The following PTPRD variants were observed in gnomAD, a reference collection of about 807,000 sequenced individuals.
PTPRD encodes receptor-type tyrosine-protein phosphatase delta.
Under a neutral mutation model 214.5 loss-of-function variants are expected in PTPRD, and 34 were observed. The observed-to-expected ratio is 0.16, with a 90% confidence interval of 0.12 to 0.21. PTPRD has a LOEUF of 0.21. Among genes scored for constraint, PTPRD ranks in the 10% least tolerant of loss-of-function variants. The pLI, the probability that PTPRD is intolerant of heterozygous loss-of-function variation, is 1.00. For synonymous variants in PTPRD, 1,128 were observed against 845.7 expected (o/e 1.33, Z -5.79); for missense variants, 2,545 against 2,398.7 (o/e 1.06, Z -1.27).
At chr9:9,678,158 G>A (rs1265858159) in intron 7 of PTPRD, among the ~76,000 whole-genome samples, 2 of 152,046 alleles carry the variant, frequency 1.3e-5, no homozygotes, top group East Asian at 3.9e-4. Context: ...GTAATTTATA[G>A]ATTCAATGCC....
At chr9:10,278,807 C>G (rs2094894701) in intron 3 of PTPRD, among the ~76,000 whole-genome samples, 1 of 149,930 alleles carries the variant, frequency 6.7e-6, no homozygotes, top group Middle Eastern at 3.2e-3. Flanking sequence ...TGGAGTCTCG[C>G]TCTGTTGCCC....
intron 4 of PTPRD, among the ~76,000 whole-genome samples, chr9:9,961,308 T>G (rs975451064): frequency 6.6e-6 from 1 of 152,156 alleles, no homozygotes; most frequent in Non-Finnish European, 1.5e-5. Flanking sequence ...ACAAACAACA[T>G]GCCTTTGTCA....
At chr9:10,126,548 C>T (rs1010462779) in intron 3 of PTPRD, among the ~76,000 whole-genome samples, 1 of 151,952 alleles carries the variant, frequency 6.6e-6, no homozygotes, top group Non-Finnish European at 1.5e-5. Context: ...TATTTGACCA[C>T]ATCAATGTTG....
chr9:9,197,603 G>A (rs991876544), intron 9 of PTPRD, among the ~76,000 whole-genome samples: 1 of 152,078 alleles, frequency 6.6e-6, no homozygotes, highest in Non-Finnish European at 1.5e-5. Flanking sequence ...TAGAGATGGA[G>A]TTTCACCATG....
At chr9:10,446,741 C>G (rs756876567) in intron 2 of PTPRD, among the ~76,000 whole-genome samples, 2 of 152,048 alleles carry the variant, frequency 1.3e-5, no homozygotes, top group Non-Finnish European at 2.9e-5. Context: ...CCTCAGGAGA[C>G]TTTTGCATAT....
In PTPRD at chr9:8,454,618, A is replaced by C. The variant is rs750714385; in HGVS notation, c.3876-4781T>G. The stretch of plus-strand genomic sequence containing the variant: ...TGCTCCATTTTAATGCAGCAAAAAA[A>C]GGAAAAAGAAAGGCTAAATGTTAGT... On this transcript the variant is annotated intron_variant, in intron 33 of 45. Coordinates refer to ENST00000381196, the MANE Select transcript of PTPRD (RefSeq NM_002839.4). 4 of 1,611,712 alleles carry C rather than the reference A, an allele frequency of 2.5e-6. No individual in the cohort carries two copies. The South Asian group carries it at 4.4e-5, about 18-fold the overall frequency.
chr9:10,205,450 G>C (rs1050979879), intron 3 of PTPRD, among the ~76,000 whole-genome samples: 3 of 151,202 alleles, frequency 2.0e-5, no homozygotes, highest in African/African-American at 7.3e-5. Context: ...CTGTTGCCCA[G>C]GCTGGAGTGC....
chr9:9,297,020 G>C (rs1243111247), intron 9 of PTPRD, among the ~76,000 whole-genome samples: 1 of 151,676 alleles, frequency 6.6e-6, no homozygotes, highest in Non-Finnish European at 1.5e-5. Flanking sequence ...GACTGACTTG[G>C]AAAATGTATT....
At chr9:8,318,192 G>A (rs1423499703) in intron 45 of PTPRD, among the ~76,000 whole-genome samples, 4 of 151,892 alleles carry the variant, frequency 2.6e-5, no homozygotes, top group African/African-American at 4.8e-5. Flanking sequence ...GGCAGGTCGA[G>A]TGAACATTAC....
intron 8 of PTPRD, among the ~76,000 whole-genome samples, chr9:9,462,864 T>G (rs1387368811): frequency 6.6e-6 from 1 of 152,118 alleles, no homozygotes; most frequent in Non-Finnish European, 1.5e-5. Flanking sequence ...CCCCTTAGTC[T>G]TTACCAAAAG....
intron 9 of PTPRD, among the ~76,000 whole-genome samples, chr9:9,365,145 A>G (rs1274970484): frequency 6.6e-6 from 1 of 151,522 alleles, no homozygotes; most frequent in Non-Finnish European, 1.5e-5. Flanking sequence ...TACTATCAGC[A>G]GAGAGGACAA....
At chr9:9,740,682 T>C (rs10816172) in intron 6 of PTPRD, among the ~76,000 whole-genome samples, 6,228 of 152,202 alleles carry the variant, frequency 0.041, 742 homozygotes, top group East Asian at 0.4. Flanking sequence ...CACTTTTCTT[T>C]CTAAGTAGGT....
intron 24 of PTPRD, 73 bp from the exon 25 acceptor site, chr9:8,499,913 C>T (rs2097356716): frequency 1.5e-6 from 2 of 1,332,282 alleles, no homozygotes; most frequent in East Asian, 2.4e-5. Flanking sequence ...TCTGCATTTT[C>T]TTTACTTAGG....
chr9:10,161,053 T>C (rs900983703), intron 3 of PTPRD, among the ~76,000 whole-genome samples: 1 of 151,818 alleles, frequency 6.6e-6, no homozygotes, highest in African/African-American at 2.4e-5. Flanking sequence ...AAAATACTGA[T>C]GAAAGAAATT....
At chr9:9,630,769 A>C (rs1424639525) in intron 7 of PTPRD, among the ~76,000 whole-genome samples, 2 of 152,134 alleles carry the variant, frequency 1.3e-5, no homozygotes, top group Non-Finnish European at 2.9e-5. Context: ...ACATTTATTT[A>C]CATAAATGTC....
intron 44 of PTPRD, among the ~76,000 whole-genome samples, chr9:8,325,846 G>A (rs1267846125): frequency 6.6e-6 from 1 of 152,102 alleles, no homozygotes; most frequent in Non-Finnish European, 1.5e-5. Context: ...TGAAGCAATT[G>A]TGAATGGGAG....
intron 8 of PTPRD, among the ~76,000 whole-genome samples, chr9:9,399,732 C>A (rs370478574): frequency 1.3e-5 from 2 of 151,988 alleles, no homozygotes; most frequent in East Asian, 1.9e-4. Flanking sequence ...CCCCTGCACA[C>A]GCTCCTTTGC....
chr9:10,073,036 T>C (rs1376383222), intron 3 of PTPRD, among the ~76,000 whole-genome samples: 4 of 152,218 alleles, frequency 2.6e-5, no homozygotes, highest in Admixed American at 2.0e-4. Context: ...TATCGATTAA[T>C]ACATTTTGCT....
intron 43 of PTPRD, among the ~76,000 whole-genome samples, chr9:8,332,235 T>TCTGCTGTGCTTGCGTATTTCTACCGTTG (rs1384142217): frequency 3.4e-4 from 51 of 152,218 alleles, no homozygotes; most frequent in Non-Finnish European, 5.6e-4. Flanking sequence ...TAACTTCACA[T>TCTGCTGTGCTTGCGTATTTCTACCGTTG]CTGCTGTGCT....
Sources: allele counts gnomAD v4.1 joint callset (sites outside exome capture counted in the v4.1 genomes callset), GRCh38; gene constraint gnomAD v4.1.1; transcripts MANE v1.5; gene names NCBI Gene and HGNC (gene_info 2026-07-23, HGNC 2026-07-21).